Variants in FADS3 observed in about 807,000 individuals in gnomAD.
The protein encoded by FADS3 is fatty acid desaturase 3, also known as cytochrome b5-related protein.
FADS3 carries 30 observed loss-of-function variants against 60.4 expected under a neutral mutation model. The observed-to-expected ratio is 0.50, with a 90% CI of 0.37 to 0.67. The LOEUF (loss-of-function observed/expected upper bound fraction) is 0.67, where lower values mean the gene tolerates loss of function less well. FADS3 is among the 30% of genes least tolerant of loss of function. The pLI is 0.00. For missense variants in FADS3, 432 were observed against 598.3 expected (o/e 0.72, Z 2.90); for synonymous variants, 234 against 249.3 (o/e 0.94, Z 0.58).
At position 61,873,753 on chromosome 11, in the gene FADS3, G is replaced by T; in HGVS notation, c.*61C>A. Reference sequence around the variant, plus strand: ...GTGGAGGGGTGAGGGTATCGATCCCGCCGGGGGCTGGCTTGGTTGCTGGTG... The same window carrying T: ...GTGGAGGGGTGAGGGTATCGATCCCTCCGGGGGCTGGCTTGGTTGCTGGTG... On this transcript the variant is annotated 3_prime_UTR_variant, in exon 12 of 12. Coordinates refer to ENST00000278829, the MANE Select transcript of FADS3 (RefSeq NM_021727.5). The T allele has an allele frequency of 7.5e-7, 1 of 1,336,400 alleles. No homozygotes were observed. Among genetic ancestry groups the T allele is most frequent in the African/African-American group, 1.4e-5 (1 of 69,580 alleles). 82.8% of individuals were successfully genotyped at this position (1,336,400 alleles called of 1,614,324 possible). A position where few individuals can be genotyped will look rare whatever the true frequency, so the allele number is the denominator to read the frequency against.
At chr11:61,891,614 CCCCCGGCCAGG>C (rs991178339), upstream of FADS3, 2 of 176,274 alleles carry the variant, frequency 1.1e-5, no homozygotes, top group African/African-American at 4.8e-5. Flanking sequence ...TGCCCCCCCG[CCCCCGGCCAGG>C]CCCCGGCCCC....
At position 61,877,255 on chromosome 11, in the gene FADS3, G is replaced by T; in HGVS notation, c.885+256C>A. 2.0e-6 allele frequency: 1 copy of T among 511,422 alleles called. No homozygotes were observed. Among genetic ancestry groups the T allele is most frequent in the Non-Finnish European group, 3.5e-6 (1 of 282,970 alleles). 31.7% of individuals were successfully genotyped at this position (511,422 alleles called of 1,614,324 possible). A position where few individuals can be genotyped will look rare whatever the true frequency, so the allele number is the denominator to read the frequency against. Reference sequence around the variant, plus strand: ...AGAGTCAGCCCAGCAACTCCTCCTGGGAAGACACCCTCACCGAGAGAGACC... The same window carrying T: ...AGAGTCAGCCCAGCAACTCCTCCTGTGAAGACACCCTCACCGAGAGAGACC... On this transcript the variant is annotated intron_variant, in intron 7 of 11. Coordinates refer to ENST00000278829, the MANE Select transcript of FADS3 (RefSeq NM_021727.5). The surrounding 1 kb of genome is among the most constrained non-coding windows in gnomAD (Gnocchi z 4.7).
chr11:61,891,437 C>G lies in FADS3; in HGVS notation c.-56G>C, dbSNP rs1938511919. The G allele has an allele frequency of 1.6e-6, 2 of 1,258,556 alleles. No homozygotes were observed. Among genetic ancestry groups the G allele is most frequent in the Non-Finnish European group, 1.0e-6 (1 of 983,852 alleles). The allele number at this position is 1,258,556 out of a possible 1,614,324, so 78.0% of individuals were successfully genotyped here. ...CGGTGGCCGAGGTCCGAGCAAGACC[C>G]CGAGGGAAGCGAAGAGCGCTCCCGG... On this transcript the variant is annotated 5_prime_UTR_variant, in exon 1 of 12. Transcript: ENST00000278829.
At chr11:61,878,996 TGAG>T in intron 3 of FADS3, 149 bp from the exon 4 acceptor site, 1 of 689,806 alleles carries the variant, frequency 1.4e-6, no homozygotes, top group Non-Finnish European at 2.4e-6. Context: ...TTTTTACAGA[TGAG>T]AACTGAGTCC....
In FADS3 at chr11:61,878,149, A is replaced by G; in HGVS notation, c.808+6T>C. 6.2e-7 allele frequency: 1 copy of G among 1,613,504 alleles called. No homozygotes were observed. Among genetic ancestry groups the G allele is most frequent in the Admixed American group, 1.7e-5 (1 of 60,010 alleles). ...CCCCACCCCAGAAGGACAGATGGAC[A>G]CTCACTCAGGAAGAAGTACAGGTGC... is the stretch of plus-strand genomic sequence containing the variant. On this transcript the variant is annotated splice_donor_region_variant and intron_variant, in intron 6 of 11. Transcript: ENST00000278829.
At chr11:61,883,093 C>T (rs1406083553) in intron 1 of FADS3, among the ~76,000 whole-genome samples, 1 of 152,118 alleles carries the variant, frequency 6.6e-6, no homozygotes, top group Non-Finnish European at 1.5e-5. Flanking sequence ...TTTAGGTGTC[C>T]AGCTCAGTGG....
In FADS3 at chr11:61,877,461, C is replaced by CCT; in HGVS notation, c.885+48_885+49dup. On this transcript the variant is annotated intron_variant, in intron 7 of 11. Transcript: ENST00000278829. The surrounding 1 kb of genome is among the most constrained non-coding windows in gnomAD (Gnocchi z 4.7). The stretch of plus-strand genomic sequence containing the variant: ...GCAGGTACTGTCCCCCGAGGCACCA[C>CCT]CTCCTGCCACGGCAGCCGTATGCCC... 6.3e-7 allele frequency: 1 copy of CCT among 1,578,508 alleles called. No homozygotes were observed. Among genetic ancestry groups the CCT allele is most frequent in the Non-Finnish European group, 8.7e-7 (1 of 1,153,688 alleles).
chr11:61,878,859 G>C lies in FADS3; in HGVS notation c.523-12C>G. On this transcript the variant is annotated splice_polypyrimidine_tract_variant and intron_variant, in intron 3 of 11. Coordinates refer to ENST00000278829, the MANE Select transcript of FADS3 (RefSeq NM_021727.5). The stretch of plus-strand genomic sequence containing the variant: ...CACCAGGACTGAGCCTGGGGAGAGA[G>C]GCAGGGTCAGAAGCTGTTGGGAAGG... 3.1e-6 allele frequency: 5 copies of C among 1,612,348 alleles called. No individual in the cohort carries two copies. The highest frequency in any genetic ancestry group is 4.2e-6 in the Non-Finnish European group (5 of 1,178,684).
rs1937898457 is a variant in FADS3 at position 61,876,630 on chromosome 11, G to A, written c.984-175C>T. The A allele has an allele frequency of 2.8e-5, 19 of 667,108 alleles. No homozygotes were observed. Among genetic ancestry groups the A allele is most frequent in the Non-Finnish European group, 4.8e-5 (18 of 376,478 alleles). The allele number at this position is 667,108 out of a possible 1,614,324, so 41.3% of individuals were successfully genotyped here. A position where few individuals can be genotyped will look rare whatever the true frequency, so the allele number is the denominator to read the frequency against. On this transcript the variant is annotated intron_variant, in intron 8 of 11. Transcript: ENST00000278829. The surrounding 1 kb of genome is among the most constrained non-coding windows in gnomAD (Gnocchi z 5.7). ...ATCTGAATGGAGCAGTGTCCACTGT[G>A]AGGCTGAGTCCAGAGCAGCTCCGAC...
chr11:61,877,451 C>G lies in FADS3; in HGVS notation c.885+60G>C. 1 of 1,535,006 alleles carries G rather than the reference C, an allele frequency of 6.5e-7. No individual in the cohort carries two copies. Among genetic ancestry groups the G allele is most frequent in the South Asian group, 1.1e-5 (1 of 89,602 alleles). ...GCCTTCATGGGCAGGTACTGTCCCC[C>G]GAGGCACCACCTCCTGCCACGGCAG... On this transcript the variant is annotated intron_variant, in intron 7 of 11. Transcript: ENST00000278829. The surrounding 1 kb of genome is among the most constrained non-coding windows in gnomAD (Gnocchi z 4.7).
chr11:61,877,683 C>G lies in FADS3; in HGVS notation c.809-96G>C, dbSNP rs1377599930. On this transcript the variant is annotated intron_variant, in intron 6 of 11. Coordinates refer to ENST00000278829, the MANE Select transcript of FADS3 (RefSeq NM_021727.5). The surrounding 1 kb of genome is among the most constrained non-coding windows in gnomAD (Gnocchi z 4.7). ...GGGCTCTGTTACTCCAGGAATGCCCCTGGGACGTTGGTGCTGGTCACATCC... is the reference window on the plus strand; with the variant it reads ...GGGCTCTGTTACTCCAGGAATGCCCGTGGGACGTTGGTGCTGGTCACATCC... The G allele has an allele frequency of 8.7e-7, 1 of 1,151,844 alleles. No homozygotes were observed. The highest frequency in any genetic ancestry group is 1.5e-5 in the African/African-American group (1 of 65,624). 71.4% of individuals were successfully genotyped at this position (1,151,844 alleles called of 1,614,324 possible).
At chr11:61,885,347 G>A (rs1213534991) in intron 1 of FADS3, among the ~76,000 whole-genome samples, 2 of 152,216 alleles carry the variant, frequency 1.3e-5, no homozygotes, top group African/African-American at 2.4e-5. Flanking sequence ...TTTCTCATCA[G>A]TAAACTGGGA....
rs774645487 is a variant in FADS3, at chr11:61,876,008, A to G, written c.1161-32T>C. On this transcript the variant is annotated intron_variant, in intron 10 of 11. Transcript: ENST00000278829. The surrounding 1 kb of genome is among the most constrained non-coding windows in gnomAD (Gnocchi z 5.7). ...GTGGGGAGCGTATGCTGGCACCTGA[A>G]GTGGGAGATTCCAGAGAGAGGCCCC... 4 of 1,613,008 alleles carry G rather than the reference A, an allele frequency of 2.5e-6. No homozygotes were observed. The Admixed American group carries it at 6.7e-5, about 27-fold the overall frequency.
At chr11:61,873,924 C>T (rs75306442) in intron 11 of FADS3, 59 bp from the exon 12 acceptor site, 210,376 of 1,127,936 alleles carry the variant, frequency 0.19, 21,571 homozygotes, top group African/African-American at 0.29. Context: ...AAGATCCTAA[C>T]ACCCCTGTAT....
At chr11:61,883,371 G>A (rs1333974229) in intron 1 of FADS3, among the ~76,000 whole-genome samples, 3 of 152,144 alleles carry the variant, frequency 2.0e-5, no homozygotes, top group Non-Finnish European at 4.4e-5. Context: ...GTTGCAGCAC[G>A]TGTCAGGATG....
In FADS3 at chr11:61,877,308, C is replaced by T. The variant is rs1182863502; in HGVS notation, c.885+203G>A. On this transcript the variant is annotated intron_variant, in intron 7 of 11. Transcript: ENST00000278829. This position sits in a 1 kb window ranked among gnomAD's most constrained non-coding sequence, Gnocchi z 4.7. ...CACCCCCCCTGTTCCTCAACCCCCC[C>T]CCACCACACGTACAGTCACGGGCAC... The T allele has an allele frequency of 7.0e-6, 2 of 285,018 alleles. No homozygotes were observed. Among genetic ancestry groups the T allele is most frequent in the African/African-American group, 2.3e-5 (1 of 43,504 alleles). The allele number at this position is 285,018 out of a possible 1,614,324, so 17.7% of individuals were successfully genotyped here.
chr11:61,879,260 G>A, intron 3 of FADS3, 52 bp downstream of exon 3: 1 of 1,469,704 alleles, frequency 6.8e-7, no homozygotes, highest in Non-Finnish European at 9.3e-7. Context: ...GATGCATGGG[G>A]GCCCACGTCT....
chr11:61,887,533 T>A (rs541853705), intron 1 of FADS3, among the ~76,000 whole-genome samples: 1 of 152,322 alleles, frequency 6.6e-6, no homozygotes, highest in East Asian at 1.9e-4. Flanking sequence ...ACATCCAGCA[T>A]GAGCCAGCCC....
intron 1 of FADS3, chr11:61,882,540 C>T (rs1192808658): frequency 6.6e-6 from 1 of 152,198 alleles, no homozygotes; most frequent in Non-Finnish European, 1.5e-5. Context: ...CCACCTCAGC[C>T]TCCCCAGCAG....
Sources: gnomAD v4.1 joint callset for allele counts (sites outside exome capture counted in the v4.1 genomes callset) on GRCh38, gnomAD v4.1.1 for gene constraint, Gnocchi (gnomAD v3.1) non-coding constraint, MANE v1.5 for transcripts, NCBI Gene and HGNC (gene_info 2026-07-23, HGNC 2026-07-21) for gene names.